RIGI: variants seen among roughly 807,000 people sequenced by gnomAD.
The protein encoded by RIGI is RNA sensor RIG-I.
chr9:32,499,148 T>G, the RIGI span, among the ~76,000 whole-genome samples: 10 of 152,058 alleles, frequency 6.6e-5, no homozygotes, highest in African/African-American at 2.2e-4. Context: ...TTACATTTAT[T>G]CACTTTTCAT....
the RIGI span, chr9:32,485,156 A>G: frequency 6.4e-7 from 1 of 1,555,530 alleles, no homozygotes; most frequent in Non-Finnish European, 8.7e-7. Context: ...GAGAACACAA[A>G]ATATGAGATT....
At chr9:32,488,672 C>G in the RIGI span, 1 of 1,442,188 alleles carries the variant, frequency 6.9e-7, no homozygotes, top group African/African-American at 1.5e-5. Flanking sequence ...AAAAACAAAA[C>G]AGAAAACACA....
chr9:32,521,205 G>A, the RIGI span, among the ~76,000 whole-genome samples: 255 of 144,412 alleles, frequency 1.8e-3, 1 homozygote, highest in Non-Finnish European at 3.1e-3. Flanking sequence ...ATTAAAATTC[G>A]GCTTATAAGG....
At chr9:32,500,008 G>A in the RIGI span, among the ~76,000 whole-genome samples, 13 of 152,180 alleles carry the variant, frequency 8.5e-5, no homozygotes, top group Non-Finnish European at 1.9e-4. Context: ...TTTTCTCAGT[G>A]ATGTCTAATA....
the RIGI span, among the ~76,000 whole-genome samples, chr9:32,462,160 A>G: frequency 6.6e-6 from 1 of 152,136 alleles, no homozygotes; most frequent in African/African-American, 2.4e-5. Context: ...CTGCCTATAA[A>G]ATGACATAGG....
At chr9:32,506,310 G>C in the RIGI span, among the ~76,000 whole-genome samples, 2 of 152,288 alleles carry the variant, frequency 1.3e-5, no homozygotes, top group African/African-American at 2.4e-5. Flanking sequence ...CTTCCAAACT[G>C]TACTAACCCT....
At chr9:32,524,596 GTTT>G in the RIGI span, among the ~76,000 whole-genome samples, 15 of 67,582 alleles carry the variant, frequency 2.2e-4, no homozygotes, top group Admixed American at 1.1e-3. Context: ...TTGTTTTTCG[GTTT>G]TTTTTTTTTT....
chr9:32,469,875 A>AC, the RIGI span, among the ~76,000 whole-genome samples: 3 of 113,898 alleles, frequency 2.6e-5, no homozygotes, highest in Non-Finnish European at 5.9e-5. Flanking sequence ...ATCTCCACTC[A>AC]CTGCTCACAG....
chr9:32,495,551 A>G, the RIGI span, among the ~76,000 whole-genome samples: 1 of 151,556 alleles, frequency 6.6e-6, no homozygotes, highest in African/African-American at 2.4e-5. Flanking sequence ...GTGATATTGC[A>G]TTATGGCTTT....
chr9:32,495,524 A>C, the RIGI span, among the ~76,000 whole-genome samples: 4 of 124,588 alleles, frequency 3.2e-5, no homozygotes, highest in Non-Finnish European at 7.7e-5. Flanking sequence ...TATAGAAGCC[A>C]TTGTAATGGG....
the RIGI span, among the ~76,000 whole-genome samples, chr9:32,477,868 T>C: frequency 6.6e-6 from 1 of 151,578 alleles, no homozygotes; most frequent in Non-Finnish European, 1.5e-5. Context: ...GGGGTTACAG[T>C]GAGCCAAGAT....
the RIGI span, among the ~76,000 whole-genome samples, chr9:32,503,486 C>G: frequency 1.3e-5 from 2 of 152,102 alleles, no homozygotes; most frequent in African/African-American, 4.8e-5. Flanking sequence ...TTTCTTGATC[C>G]CTTCTCTGCT....
chr9:32,488,867 A>T, the RIGI span: 1 of 1,607,152 alleles, frequency 6.2e-7, no homozygotes, highest in Non-Finnish European at 8.5e-7. Context: ...ATAAGCAGTG[A>T]AACAAAGGTT....
chr9:32,513,593 A>G, the RIGI span, among the ~76,000 whole-genome samples: 5 of 152,256 alleles, frequency 3.3e-5, no homozygotes, highest in African/African-American at 1.2e-4. Context: ...TGGATTAAAG[A>G]CTTAAATGTA....
At chr9:32,464,461 C>T in the RIGI span, among the ~76,000 whole-genome samples, 1 of 152,148 alleles carries the variant, frequency 6.6e-6, no homozygotes, top group South Asian at 2.1e-4. Flanking sequence ...GCGATCTCGG[C>T]TCACTGCAAG....
At chr9:32,500,188 G>A in the RIGI span, among the ~76,000 whole-genome samples, 1 of 152,146 alleles carries the variant, frequency 6.6e-6, no homozygotes, top group Admixed American at 6.5e-5. Context: ...GTCTTCTTTA[G>A]GGGTGTCTTG....
chr9:32,504,401 G>A, the RIGI span, among the ~76,000 whole-genome samples: 37 of 152,164 alleles, frequency 2.4e-4, no homozygotes, highest in African/African-American at 5.3e-4. Context: ...GTCACAGCCC[G>A]GCACAGTGGC....
the RIGI span, among the ~76,000 whole-genome samples, chr9:32,501,550 C>T: frequency 1.1e-4 from 17 of 152,182 alleles, 2 homozygotes; most frequent in Admixed American, 9.2e-4. Context: ...GGGATACTTC[C>T]ATGGTCCTTT....
At chr9:32,467,775 C>A in the RIGI span, 1 of 1,583,178 alleles carries the variant, frequency 6.3e-7, no homozygotes, top group African/African-American at 1.3e-5. Flanking sequence ...TGGTTTGGAT[C>A]ATTTTGATGA....
Sources: gnomAD v4.1 joint callset for allele counts (sites outside exome capture counted in the v4.1 genomes callset) on GRCh38, gnomAD v4.1.1 for gene constraint, MANE v1.5 for transcripts, NCBI Gene and HGNC (gene_info 2026-07-23, HGNC 2026-07-21) for gene names.